FMN1: variants seen among roughly 807,000 people sequenced by gnomAD.
FMN1 encodes formin-1.
In FMN1, 110 loss-of-function variants were observed where a neutral mutation model predicts 132.4. The observed-to-expected ratio is 0.83, with a 90% CI of 0.71 to 0.97. The LOEUF (loss-of-function observed/expected upper bound fraction) is 0.97, where lower values mean the gene tolerates loss of function less well. Ranked by LOEUF, FMN1 falls within the 50% of genes least tolerant of loss-of-function variation. The pLI is 0.00. For missense variants in FMN1, 1,792 were observed against 1,705.3 expected, an observed-to-expected ratio of 1.05 and a Z score of -0.90; for synonymous variants, 722 against 651.7, an observed-to-expected ratio of 1.11 and a Z score of -1.64.
chr15:32,887,868 G>A (rs2059931933), intron 16 of FMN1, among the ~76,000 whole-genome samples: 1 of 152,118 alleles, frequency 6.6e-6, no homozygotes, highest in Non-Finnish European at 1.5e-5. Flanking sequence ...ACAACAGTAA[G>A]CATCTAGTAA....
intron 4 of FMN1, among the ~76,000 whole-genome samples, chr15:33,121,207 G>A (rs1364096283): frequency 6.6e-6 from 1 of 152,198 alleles, no homozygotes. Flanking sequence ...TTTATCAATA[G>A]AGCAGTGGGT....
chr15:32,949,079 T>C (rs1013673151), intron 9 of FMN1, among the ~76,000 whole-genome samples: 1 of 152,154 alleles, frequency 6.6e-6, no homozygotes, highest in Non-Finnish European at 1.5e-5. Flanking sequence ...ATGAGTCTTA[T>C]CAGTATTTTT....
chr15:32,929,474 T>C (rs1029787283), intron 9 of FMN1, among the ~76,000 whole-genome samples: 1 of 152,194 alleles, frequency 6.6e-6, no homozygotes. Flanking sequence ...TTAACAAAAA[T>C]TTAAATGTAT....
intron 6 of FMN1, among the ~76,000 whole-genome samples, chr15:33,035,307 T>C (rs1026363793): frequency 1.3e-5 from 2 of 152,212 alleles, no homozygotes; most frequent in Non-Finnish European, 2.9e-5. Flanking sequence ...TCTATATTCA[T>C]GATGGAGGAA....
intron 7 of FMN1, among the ~76,000 whole-genome samples, chr15:33,001,682 C>T (rs2034123849): frequency 7.4e-6 from 1 of 135,012 alleles, no homozygotes; most frequent in Non-Finnish European, 1.6e-5. Flanking sequence ...TCCTCCTCCT[C>T]CCCCTCCCCT....
chr15:33,121,985 T>C (rs1016942141), intron 4 of FMN1, among the ~76,000 whole-genome samples: 9 of 152,342 alleles, frequency 5.9e-5, no homozygotes, highest in Admixed American at 5.9e-4. Context: ...AAAAGTGTAC[T>C]GCAAGCAAAC....
chr15:33,120,021 A>C (rs1962405698), intron 4 of FMN1, among the ~76,000 whole-genome samples: 3 of 152,178 alleles, frequency 2.0e-5, no homozygotes, highest in Admixed American at 2.0e-4. Flanking sequence ...ATTATTATCA[A>C]TTTTAACAGG....
At chr15:33,127,122 C>G (rs1963160399) in intron 4 of FMN1, among the ~76,000 whole-genome samples, 1 of 152,168 alleles carries the variant, frequency 6.6e-6, no homozygotes, top group East Asian at 1.9e-4. Flanking sequence ...AGATAGCATC[C>G]TGTTAACAAG....
intron 16 of FMN1, among the ~76,000 whole-genome samples, chr15:32,869,852 C>G (rs573013414): frequency 1.3e-5 from 2 of 152,312 alleles, no homozygotes; most frequent in African/African-American, 4.8e-5. Context: ...AACACTGATT[C>G]TAGTGACACA....
intron 9 of FMN1, among the ~76,000 whole-genome samples, chr15:32,934,487 T>C (rs552219451): frequency 6.6e-5 from 10 of 152,162 alleles, no homozygotes; most frequent in Admixed American, 2.0e-4. Context: ...ATTTCAACTT[T>C]AAAGGCTTTC....
chr15:32,988,768 T>C (rs575102907), intron 7 of FMN1, among the ~76,000 whole-genome samples: 1 of 66,784 alleles, frequency 1.5e-5, no homozygotes, highest in South Asian at 6.3e-4. Context: ...TCACCTCCCT[T>C]TAATGTATTG....
chr15:33,063,463 C>T (rs1217533307), intron 6 of FMN1: 1 of 152,274 alleles, frequency 6.6e-6, no homozygotes, highest in Non-Finnish European at 1.5e-5. Flanking sequence ...GTAAAAGCTT[C>T]TCCTTGGTAC....
Position 32,767,617 on chromosome 15 carries a change from G to GT in FMN1, c.*6692dup, listed in dbSNP as rs1567133397. 6.6e-6 allele frequency: 1 copy of GT among 152,134 alleles called. No individual in the cohort carries two copies. 9.4% of individuals were successfully genotyped at this position (152,134 alleles called of 1,614,324 possible). On this transcript the variant is annotated 3_prime_UTR_variant, in exon 21 of 21. Coordinates refer to ENST00000616417, the MANE Select transcript of FMN1 (RefSeq NM_001277313.2). ...AATTTTAAAAGTTTCTGCCTTTTTA[G>GT]TATTTTAGATTGGTTCTTTAAAGGG... is the stretch of plus-strand genomic sequence containing the variant.
chr15:32,961,966 G>C (rs2030609982), intron 9 of FMN1, among the ~76,000 whole-genome samples: 1 of 151,914 alleles, frequency 6.6e-6, no homozygotes, highest in Non-Finnish European at 1.5e-5. Flanking sequence ...GTCATAATGA[G>C]GTCTACCCTG....
intron 6 of FMN1, among the ~76,000 whole-genome samples, chr15:33,047,957 TG>T (rs2036767311): frequency 1.3e-5 from 2 of 152,186 alleles, no homozygotes; most frequent in South Asian, 2.1e-4. Context: ...TATATATATG[TG>T]CGCGTGTGTA....
intron 4 of FMN1, among the ~76,000 whole-genome samples, chr15:33,128,773 G>A (rs985998015): frequency 2.0e-5 from 3 of 152,190 alleles, no homozygotes; most frequent in African/African-American, 7.2e-5. Flanking sequence ...AAGTGGTATG[G>A]ACCCAAACGG....
At chr15:33,089,427 G>GCA (rs1431715738) in intron 4 of FMN1, among the ~76,000 whole-genome samples, 1 of 152,194 alleles carries the variant, frequency 6.6e-6, no homozygotes, top group Non-Finnish European at 1.5e-5. Flanking sequence ...TATGCATGGT[G>GCA]CATACCGGAC....
At chr15:33,042,054 T>TC (rs1352886637) in intron 6 of FMN1, among the ~76,000 whole-genome samples, 7 of 152,082 alleles carry the variant, frequency 4.6e-5, no homozygotes, top group African/African-American at 1.7e-4. Flanking sequence ...TCCAATGCTC[T>TC]CCATTGAAAA....
At chr15:33,158,654 T>C (rs369277004) in intron 3 of FMN1, among the ~76,000 whole-genome samples, 6 of 152,290 alleles carry the variant, frequency 3.9e-5, no homozygotes, top group African/African-American at 1.4e-4. Context: ...AACTTTGTAC[T>C]GAACTAGACT....
Sources: gnomAD v4.1 joint callset for allele counts (sites outside exome capture counted in the v4.1 genomes callset) on GRCh38, gnomAD v4.1.1 for gene constraint, MANE v1.5 for transcripts, NCBI Gene and HGNC (gene_info 2026-07-23, HGNC 2026-07-21) for gene names.